PRKCH: variants seen among roughly 807,000 people sequenced by gnomAD.
PRKCH encodes protein kinase C eta.
A neutral mutation model predicts 82.5 loss-of-function variants in PRKCH; 28 were observed. The ratio of observed to expected loss-of-function variants is 0.34; its 90% CI spans 0.25 to 0.47. The LOEUF is 0.47. Ranked by LOEUF, PRKCH falls within the 20% of genes least tolerant of loss-of-function variation. The pLI is 1.00. For synonymous variants in PRKCH, 322 were observed against 327.4 expected, an observed-to-expected ratio of 0.98 and a Z score of 0.18; for missense variants, 705 against 881.8, an observed-to-expected ratio of 0.80 and a Z score of 2.54.
chr14:61,354,404 TTGTGTG>T (rs3028729), intron 1 of PRKCH, among the ~76,000 whole-genome samples: 7,046 of 147,944 alleles, frequency 0.048, 235 homozygotes, highest in African/African-American at 0.1. Flanking sequence ...CTGTTTCTAT[TTGTGTG>T]TGTGTGTGTG....
intron 1 of PRKCH, among the ~76,000 whole-genome samples, chr14:61,335,847 A>G (rs1371323065): frequency 6.6e-6 from 1 of 152,232 alleles, no homozygotes; most frequent in African/African-American, 2.4e-5. Flanking sequence ...TGGACTAATG[A>G]TACACAAATA....
At chr14:61,439,410 C>T (rs1238875088) in intron 2 of PRKCH, among the ~76,000 whole-genome samples, 1 of 152,078 alleles carries the variant, frequency 6.6e-6, no homozygotes, top group Non-Finnish European at 1.5e-5. Context: ...AAATGTCTTG[C>T]AAAGTCCCAG....
intron 10 of PRKCH, among the ~76,000 whole-genome samples, chr14:61,511,756 C>G (rs1887387541): frequency 1.3e-5 from 2 of 152,206 alleles, no homozygotes; most frequent in African/African-American, 4.8e-5. Context: ...TCCTTTGCAT[C>G]AGTGGAAAGT....
At position 61,236,011 on chromosome 14, in the gene PRKCH, CT is replaced by C. The variant is rs539988763; in HGVS notation, c.-19+48350del. 1.3e-4 allele frequency among the ~76,000 whole-genome samples: 20 copies of C among 152,258 alleles called. 1 individual carries two copies. In the South Asian group the frequency reaches 3.3e-3, roughly 25 times the overall value. On this transcript the variant is annotated intron_variant, in intron 1 of 3. Transcript: ENST00000555185. The stretch of plus-strand genomic sequence containing the variant: ...GTCAGACTTGCCTTGTGATACCCTC[CT>C]TTTTTTGGAATTCAGGCATAATTGA...
chr14:61,473,784 G>A (rs1431446826), intron 9 of PRKCH, among the ~76,000 whole-genome samples: 7 of 152,198 alleles, frequency 4.6e-5, no homozygotes, highest in South Asian at 2.1e-4. Flanking sequence ...CCTGAGGTCA[G>A]GAGTTCGAGA....
chr14:61,294,322 G>A lies in PRKCH; in HGVS notation c.-19+106654G>A, dbSNP rs546350109. ...TTTTTAGTAGAGATGGGGTTTCGCC[G>A]TGTTAGCCAGGATGGTCTCGATCTC... On this transcript the variant is annotated intron_variant, in intron 1 of 3. Transcript: ENST00000555185. 1.1e-4 allele frequency among the ~76,000 whole-genome samples: 17 copies of A among 152,002 alleles called. 1 individual carries two copies. The highest frequency in any genetic ancestry group is 6.2e-4 in the South Asian group (3 of 4,802).
chr14:61,447,430 A>G (rs1477507573), intron 4 of PRKCH, among the ~76,000 whole-genome samples: 1 of 152,236 alleles, frequency 6.6e-6, no homozygotes, highest in Non-Finnish European at 1.5e-5. Context: ...AAACAGCATT[A>G]TCACAACTAG....
chr14:61,301,432 T>G (rs996549616), intron 1 of PRKCH, among the ~76,000 whole-genome samples: 3 of 152,272 alleles, frequency 2.0e-5, no homozygotes, highest in Non-Finnish European at 4.4e-5. Flanking sequence ...TCAGGGGACT[T>G]TTTTACTTCA....
intron 1 of PRKCH, among the ~76,000 whole-genome samples, chr14:61,227,433 A>C (rs1216424900): frequency 2.0e-5 from 3 of 152,164 alleles, no homozygotes; most frequent in Non-Finnish European, 2.9e-5. Context: ...CTCTACTAAA[A>C]AATATAAAAA....
At chr14:61,534,926 A>C (rs1222266462) in intron 12 of PRKCH, among the ~76,000 whole-genome samples, 1 of 152,224 alleles carries the variant, frequency 6.6e-6, no homozygotes, top group Non-Finnish European at 1.5e-5. Flanking sequence ...ACTTGTGAGT[A>C]GTAATTTCAC....
intron 1 of PRKCH, among the ~76,000 whole-genome samples, chr14:61,249,033 C>T (rs2044914935): frequency 6.6e-6 from 1 of 152,122 alleles, no homozygotes; most frequent in Admixed American, 6.6e-5. Flanking sequence ...AACTCCTGAC[C>T]TCAGGTGACT....
chr14:61,255,300 TC>T (rs2140075831), intron 1 of PRKCH, among the ~76,000 whole-genome samples: 1 of 152,346 alleles, frequency 6.6e-6, no homozygotes, highest in South Asian at 2.1e-4. Flanking sequence ...ACCCAGCTGG[TC>T]CTGGCCTTTA....
At chr14:61,447,162 G>A (rs983769859) in intron 4 of PRKCH, among the ~76,000 whole-genome samples, 2 of 152,138 alleles carry the variant, frequency 1.3e-5, no homozygotes, top group South Asian at 4.1e-4. Flanking sequence ...AATAAAGAGG[G>A]GACAACAATA....
At position 61,509,044 on chromosome 14, in the gene PRKCH, AG is replaced by A. The variant is rs148104232; in HGVS notation, c.1434-20030del. On this transcript the variant is annotated intron_variant, in intron 10 of 13. Transcript: ENST00000332981. ...GTTCAGATTCCTGTAATGCATTGTT[AG>A]CATTGGGTGCTGGATCTGAGCCAGT... 3.0e-3 allele frequency among the ~76,000 whole-genome samples: 464 copies of A among 152,186 alleles called. 14 individuals are homozygous for A. The South Asian group carries it at 0.039, about 13-fold the overall frequency.
intron 1 of PRKCH, among the ~76,000 whole-genome samples, chr14:61,315,374 C>G (rs922007843): frequency 6.6e-6 from 1 of 152,120 alleles, no homozygotes; most frequent in African/African-American, 2.4e-5. Context: ...GCTATGTGAT[C>G]CAATTCACTT....
At chr14:61,521,849 T>C (rs955177276) in intron 10 of PRKCH, among the ~76,000 whole-genome samples, 10 of 152,194 alleles carry the variant, frequency 6.6e-5, no homozygotes, top group African/African-American at 2.4e-4. Flanking sequence ...TTGTCACTAG[T>C]TTTTGTAGTC....
intron 1 of PRKCH, among the ~76,000 whole-genome samples, chr14:61,341,123 T>G (rs2140138259): frequency 6.6e-6 from 1 of 152,290 alleles, no homozygotes; most frequent in Admixed American, 6.5e-5. Context: ...CCAGAAGTCG[T>G]TTAAAGGCTT....
chr14:61,379,957 G>A (rs2046478703), intron 1 of PRKCH, among the ~76,000 whole-genome samples: 1 of 152,190 alleles, frequency 6.6e-6, no homozygotes, highest in African/African-American at 2.4e-5. Context: ...TTACTCTTCT[G>A]TGGTTCCTCT....
rs1434594957 is a variant in PRKCH, at chr14:61,280,984, T to G, written c.-19+93316T>G. 17 of 1,540,746 alleles carry G rather than the reference T, an allele frequency of 1.1e-5. No homozygotes were observed. Among genetic ancestry groups the G allele is most frequent in the Admixed American group, 5.9e-5 (3 of 50,676 alleles). On this transcript the variant is annotated intron_variant, in intron 1 of 3. Coordinates refer to the PRKCH transcript ENST00000555185. The surrounding 1 kb of genome is among the most constrained non-coding windows in gnomAD (Gnocchi z 5.0). ...CAGCTCCTTGATGCCGTTGGAGGAG[T>G]AGTAGAGGCCCAGGCCCAGGCCGAT...
Sources: allele counts gnomAD v4.1 joint callset (sites outside exome capture counted in the v4.1 genomes callset), GRCh38; gene constraint gnomAD v4.1.1; non-coding constraint Gnocchi (gnomAD v3.1); transcripts MANE v1.5; gene names NCBI Gene and HGNC (gene_info 2026-07-23, HGNC 2026-07-21).